Variants in SCUBE1 observed in about 807,000 individuals in gnomAD.
SCUBE1 encodes the protein signal peptide, CUB domain and EGF like domain containing 1.
SCUBE1 carries 59 observed loss-of-function variants against 124.4 expected under a neutral mutation model. That is an observed-to-expected ratio of 0.47 (90% CI 0.38 to 0.59). The LOEUF is 0.59. Among genes scored for constraint, SCUBE1 ranks in the 20% least tolerant of loss-of-function variants. The pLI is 0.00. For synonymous variants in SCUBE1, 545 were observed against 550.9 expected (o/e 0.99, Z 0.15); for missense variants, 1,150 against 1,371.2 (o/e 0.84, Z 2.55).
intron 5 of SCUBE1, among the ~76,000 whole-genome samples, chr22:43,260,240 T>A (rs1389597897): frequency 6.6e-6 from 1 of 152,200 alleles, no homozygotes; most frequent in East Asian, 1.9e-4. Flanking sequence ...TCGAAGGGGA[T>A]CCAGGCTCAG....
At chr22:43,244,327 C>G (rs917811703) in intron 6 of SCUBE1, among the ~76,000 whole-genome samples, 2 of 152,238 alleles carry the variant, frequency 1.3e-5, no homozygotes, top group African/African-American at 2.4e-5. Context: ...GCAGCGCTGT[C>G]TGTGTGTGCA....
chr22:43,290,487 C>T (rs1434559735), intron 4 of SCUBE1, among the ~76,000 whole-genome samples: 5 of 152,270 alleles, frequency 3.3e-5, no homozygotes, highest in African/African-American at 9.6e-5. Flanking sequence ...CAGCCTGGGT[C>T]TGCCACCTAG....
intron 3 of SCUBE1, among the ~76,000 whole-genome samples, chr22:43,307,717 C>A (rs1025438778): frequency 2.6e-5 from 4 of 152,180 alleles, no homozygotes; most frequent in Non-Finnish European, 5.9e-5. Context: ...TCAGCCACAG[C>A]GTGAGGCCCC....
At chr22:43,222,327 G>T (rs1569499634) in intron 12 of SCUBE1, among the ~76,000 whole-genome samples, 1 of 152,236 alleles carries the variant, frequency 6.6e-6, no homozygotes, top group Admixed American at 6.5e-5. Flanking sequence ...AGCAGATGTG[G>T]CTTGCTCCAC....
At chr22:43,278,308 C>T (rs1044771124) in intron 4 of SCUBE1, among the ~76,000 whole-genome samples, 10 of 152,236 alleles carry the variant, frequency 6.6e-5, no homozygotes, top group African/African-American at 9.6e-5. Flanking sequence ...TCCTGCCTGG[C>T]GCCCTTGCCT....
Position 43,343,226 on chromosome 22 carries a change from C to T in SCUBE1, c.36G>A (p.Val12=), listed in dbSNP as rs1231361244. 2.5e-6 allele frequency: 3 copies of T among 1,213,616 alleles called. No homozygotes were observed. The highest frequency in any genetic ancestry group is 3.6e-5 in the Admixed American group (1 of 27,702). 75.2% of individuals were successfully genotyped at this position (1,213,616 alleles called of 1,614,324 possible). A position where few individuals can be genotyped will look rare whatever the true frequency, so the allele number is the denominator to read the frequency against. Residue 12 remains valine, a synonymous_variant, in exon 1 of 22, where the codon GTG becomes GTA. Transcript: ENST00000360835. Reference sequence around the variant, plus strand: ...GCCCGCGTGTGCCCAGGGCCAGCAGCACGCACAAGTGCCAGCGCACGGCCG... The same window carrying T: ...GCCCGCGTGTGCCCAGGGCCAGCAGTACGCACAAGTGCCAGCGCACGGCCG... ...GAAAVRWHLC[V]LLALGTRGRL...
At chr22:43,305,051 ACCCCCACTG>A (rs1925916233) in intron 3 of SCUBE1, among the ~76,000 whole-genome samples, 1 of 151,558 alleles carries the variant, frequency 6.6e-6, no homozygotes. Flanking sequence ...CCCAATAATC[ACCCCCACTG>A]CCCGCACTGT....
chr22:43,251,766 T>C (rs895780898), intron 6 of SCUBE1, among the ~76,000 whole-genome samples: 13 of 152,172 alleles, frequency 8.5e-5, no homozygotes, highest in Admixed American at 7.2e-4. Context: ...CAGAAGATAA[T>C]AAACGTGCGT....
intron 4 of SCUBE1, among the ~76,000 whole-genome samples, chr22:43,281,428 ACCTCCCTTG>A (rs1924846754): frequency 1.9e-5 from 1 of 53,064 alleles, no homozygotes; most frequent in African/African-American, 2.1e-4. Context: ...TCCTCCTGTC[ACCTCCCTTG>A]GCCACCCTCC....
At chr22:43,336,293 CCT>C (rs1477786898) in intron 2 of SCUBE1, among the ~76,000 whole-genome samples, 1 of 152,140 alleles carries the variant, frequency 6.6e-6, no homozygotes, top group African/African-American at 2.4e-5. Context: ...TCTCTGCTTT[CCT>C]CTGTCTCATT....
At chr22:43,269,417 A>G (rs928901025) in intron 4 of SCUBE1, among the ~76,000 whole-genome samples, 1 of 152,198 alleles carries the variant, frequency 6.6e-6, no homozygotes, top group Non-Finnish European at 1.5e-5. Context: ...CAAGCAGGGC[A>G]GTGCGGCCCA....
rs61138390 is a variant in SCUBE1, at chr22:43,290,063, G to A, written c.484+983C>T. On this transcript the variant is annotated intron_variant, in intron 4 of 21. Transcript: ENST00000360835. ...TACATTTATTCCCTTGACAGCTCAC[G>A]ACAGCCAGGCCCTGGGAACCTTGGC... is the stretch of plus-strand genomic sequence containing the variant. Among the ~76,000 whole-genome samples the A allele has an allele frequency of 4.4e-3, 666 of 152,264 alleles. 11 individuals are homozygous for A. Among genetic ancestry groups the A allele is most frequent in the African/African-American group, 0.015 (615 of 41,554 alleles).
In SCUBE1 at chr22:43,343,319, C is replaced by G; in HGVS notation, c.-58G>C. On this transcript the variant is annotated 5_prime_UTR_variant, in exon 1 of 22. Coordinates refer to ENST00000360835, the MANE Select transcript of SCUBE1 (RefSeq NM_173050.5). ...TGCGGGGCGCGGGGACCCGACCGAC[C>G]GGCCGCTCCCGCAGGCGCTGCTCGC... 1 of 858,896 alleles carries G rather than the reference C, an allele frequency of 1.2e-6. No homozygotes were observed. Among genetic ancestry groups the G allele is most frequent in the African/African-American group, 1.8e-5 (1 of 54,632 alleles). 53.2% of individuals were successfully genotyped at this position (858,896 alleles called of 1,614,324 possible). A position where few individuals can be genotyped will look rare whatever the true frequency, so the allele number is the denominator to read the frequency against.
intron 3 of SCUBE1, among the ~76,000 whole-genome samples, chr22:43,302,111 G>C (rs1183859666): frequency 6.6e-6 from 1 of 152,244 alleles, no homozygotes; most frequent in African/African-American, 2.4e-5. Context: ...TCAGAGAAGA[G>C]CTGTGCTCAT....
intron 4 of SCUBE1, among the ~76,000 whole-genome samples, chr22:43,268,712 C>T (rs192241612): frequency 2.0e-5 from 3 of 152,334 alleles, no homozygotes; most frequent in African/African-American, 7.2e-5. Context: ...AAATGTGCAG[C>T]CCCAGTCTCT....
chr22:43,227,276 G>C lies in SCUBE1; in HGVS notation c.1207+98C>G, dbSNP rs1922354990. The C allele has an allele frequency of 2.9e-6, 4 of 1,376,988 alleles. No individual in the cohort carries two copies. The African/African-American group carries it at 4.3e-5, about 15-fold the overall frequency. 85.3% of individuals were successfully genotyped at this position (1,376,988 alleles called of 1,614,324 possible). A position where few individuals can be genotyped will look rare whatever the true frequency, so the allele number is the denominator to read the frequency against. ...GAATGCAAGGCCTAGAGGAAAGGGA[G>C]GGGCTGTCCTGCTCACCCCCACCTC... On this transcript the variant is annotated intron_variant, in intron 10 of 21. Transcript: ENST00000360835.
At chr22:43,207,420 A>C in intron 21 of SCUBE1, 114 bp downstream of exon 21, 1 of 799,238 alleles carries the variant, frequency 1.3e-6, no homozygotes. Flanking sequence ...CTCTCCCATC[A>C]CCACCCACCC....
At chr22:43,276,907 C>T (rs546762305) in intron 4 of SCUBE1, among the ~76,000 whole-genome samples, 21 of 152,342 alleles carry the variant, frequency 1.4e-4, no homozygotes, top group African/African-American at 5.1e-4. Context: ...CGCACGTCAA[C>T]TCCATGACCT....
At chr22:43,216,134 C>A (rs1921799762) in intron 15 of SCUBE1, among the ~76,000 whole-genome samples, 1 of 151,930 alleles carries the variant, frequency 6.6e-6, no homozygotes, top group Non-Finnish European at 1.5e-5. Flanking sequence ...GCAACCTCTG[C>A]CTCCCAGGTT....
Sources: gnomAD v4.1 joint callset for allele counts (sites outside exome capture counted in the v4.1 genomes callset) on GRCh38, gnomAD v4.1.1 for gene constraint, MANE v1.5 for transcripts, NCBI Gene and HGNC (gene_info 2026-07-23, HGNC 2026-07-21) for gene names.